The following RORA variants were observed in gnomAD, a reference collection of about 807,000 sequenced individuals.
RORA encodes RAR related orphan receptor A.
Under a neutral mutation model 69.5 loss-of-function variants are expected in RORA, and 7 were observed. The observed-to-expected ratio is 0.10, with a 90% CI of 0.06 to 0.19. The LOEUF is 0.19. RORA is among the 10% of genes least tolerant of loss of function. The probability of loss-of-function intolerance (pLI) is 1.00; values close to 1 mark genes in which losing one functional copy is unlikely to be tolerated. For synonymous variants in RORA, 261 were observed against 240.8 expected (o/e 1.08, Z -0.78); for missense variants, 457 against 663.0 (o/e 0.69, Z 3.41).
At chr15:60,646,160 C>T (rs2070042856) in intron 2 of RORA, among the ~76,000 whole-genome samples, 1 of 152,140 alleles carries the variant, frequency 6.6e-6, no homozygotes, top group African/African-American at 2.4e-5. Context: ...CATAGTTTTC[C>T]ACTGTAAGTT....
intron 1 of RORA, among the ~76,000 whole-genome samples, chr15:60,947,062 G>T (rs1595837675): frequency 2.3e-5 from 2 of 87,344 alleles, no homozygotes; most frequent in African/African-American, 6.0e-5. Flanking sequence ...CGGGAGGGAG[G>T]TGGGGGGCCA....
At chr15:61,133,781 G>A (rs373007652) in intron 1 of RORA, among the ~76,000 whole-genome samples, 94 of 152,212 alleles carry the variant, frequency 6.2e-4, no homozygotes, top group African/African-American at 2.0e-3. Flanking sequence ...TTAGTTCCAG[G>A]AATCTGGGAA....
chr15:60,745,573 A>T lies in RORA; in HGVS notation c.167-66887T>A, dbSNP rs115943401. 2.6e-3 allele frequency among the ~76,000 whole-genome samples: 401 copies of T among 152,224 alleles called. 4 individuals are homozygous for T. Among genetic ancestry groups the T allele is most frequent in the Non-Finnish European group, 6.2e-4 (42 of 67,992 alleles). On this transcript the variant is annotated intron_variant, in intron 1 of 10. Coordinates refer to ENST00000335670, the MANE Select transcript of RORA (RefSeq NM_134261.3). ...TGGCCTCGGCATGGCCAGAGAGGCC[A>T]GGGCCCAAAGCAGCACCAGGATCTT...
At chr15:60,716,769 T>C (rs560195670) in intron 1 of RORA, among the ~76,000 whole-genome samples, 29 of 152,208 alleles carry the variant, frequency 1.9e-4, no homozygotes, top group Admixed American at 9.2e-4. Context: ...ATCATGACGC[T>C]TCCATAAAAA....
At chr15:61,089,893 C>T (rs1008126801) in intron 1 of RORA, among the ~76,000 whole-genome samples, 6 of 152,112 alleles carry the variant, frequency 3.9e-5, no homozygotes, top group Non-Finnish European at 7.3e-5. Context: ...TAGAACATTC[C>T]CAATTACCAG....
At chr15:60,638,790 A>G (rs1567137131) in intron 2 of RORA, among the ~76,000 whole-genome samples, 1 of 152,240 alleles carries the variant, frequency 6.6e-6, no homozygotes, top group African/African-American at 2.4e-5. Flanking sequence ...GCAGAGGGCT[A>G]TAAGTAAGTT....
chr15:61,188,939 C>T (rs1287579580), intron 1 of RORA, among the ~76,000 whole-genome samples: 1 of 152,166 alleles, frequency 6.6e-6, no homozygotes, highest in African/African-American at 2.4e-5. Flanking sequence ...ACTAATATTG[C>T]AAGTACTCAC....
intron 1 of RORA, among the ~76,000 whole-genome samples, chr15:61,012,252 A>C (rs1895109615): frequency 6.6e-6 from 1 of 152,234 alleles, no homozygotes; most frequent in African/African-American, 2.4e-5. Flanking sequence ...CTAGAAGATG[A>C]TATTAAGTAT....
chr15:60,679,389 T>A (rs577598149), intron 1 of RORA, among the ~76,000 whole-genome samples: 1 of 152,140 alleles, frequency 6.6e-6, no homozygotes, highest in African/African-American at 2.4e-5. Flanking sequence ...AGGTGACAAA[T>A]AGAACTAAGC....
In RORA at chr15:61,049,550, C is replaced by A. The variant is rs573826593; in HGVS notation, c.166+179503G>T. ...TTTCTAACTGGTAGCATGAGGAGTA[C>A]CAGTCTGCAGGATGTTAACGCACTG... On this transcript the variant is annotated intron_variant, in intron 1 of 10. Coordinates refer to ENST00000335670, the MANE Select transcript of RORA (RefSeq NM_134261.3). 1.5e-3 allele frequency among the ~76,000 whole-genome samples: 234 copies of A among 152,280 alleles called. 5 individuals carry two copies. The South Asian group carries it at 0.031, about 20-fold the overall frequency.
chr15:60,498,108 CAAGTATACATTAAATATG>C (rs1161944656), intron 10 of RORA, among the ~76,000 whole-genome samples: 1 of 151,852 alleles, frequency 6.6e-6, no homozygotes, highest in Non-Finnish European at 1.5e-5. Context: ...CATAGAATGC[CAAGTATACATTAAATATG>C]ATTTTCAAGA....
chr15:60,942,114 T>C (rs1892716663), intron 1 of RORA, among the ~76,000 whole-genome samples: 1 of 152,124 alleles, frequency 6.6e-6, no homozygotes, highest in Non-Finnish European at 1.5e-5. Context: ...TTTCATGTGA[T>C]AGATCTGGTT....
chr15:60,649,042 G>A (rs374733930), intron 2 of RORA, among the ~76,000 whole-genome samples: 2 of 152,064 alleles, frequency 1.3e-5, no homozygotes, highest in East Asian at 3.9e-4. Context: ...AATCTCAGAA[G>A]CCGATAAGGC....
chr15:61,190,766 A>G (rs967930160), intron 1 of RORA, among the ~76,000 whole-genome samples: 3 of 152,170 alleles, frequency 2.0e-5, no homozygotes, highest in Non-Finnish European at 2.9e-5. Flanking sequence ...AAAAGAAAAG[A>G]AAAAAAGAAT....
At chr15:60,881,237 A>C (rs1470779887) in intron 1 of RORA, among the ~76,000 whole-genome samples, 2 of 152,186 alleles carry the variant, frequency 1.3e-5, no homozygotes, top group Non-Finnish European at 2.9e-5. Context: ...CCTAAGCTGC[A>C]TGGCTCCTGC....
At chr15:60,666,351 T>C (rs339974) in intron 2 of RORA, among the ~76,000 whole-genome samples, 83,019 of 144,992 alleles carry the variant, frequency 0.57, 24,781 homozygotes, top group East Asian at 0.73. Flanking sequence ...TCTTTCTTTT[T>C]TTTTTTTTTT....
intron 2 of RORA, chr15:60,627,158 C>A: frequency 7.8e-7 from 1 of 1,286,484 alleles, no homozygotes. Flanking sequence ...TGACTTTAAG[C>A]CAGACATTGG....
chr15:60,989,756 T>C (rs1010045682), intron 1 of RORA, among the ~76,000 whole-genome samples: 1 of 152,176 alleles, frequency 6.6e-6, no homozygotes, highest in Admixed American at 6.5e-5. Flanking sequence ...CCATCCACTA[T>C]ACTTAGAACT....
intron 2 of RORA, among the ~76,000 whole-genome samples, chr15:60,557,698 G>T (rs938839110): frequency 6.6e-6 from 1 of 152,148 alleles, no homozygotes; most frequent in East Asian, 1.9e-4. Context: ...TTCTCTCAAA[G>T]AATATAATGA....
Sources: allele counts gnomAD v4.1 joint callset (sites outside exome capture counted in the v4.1 genomes callset), GRCh38; gene constraint gnomAD v4.1.1; transcripts MANE v1.5; gene names NCBI Gene and HGNC (gene_info 2026-07-23, HGNC 2026-07-21).